The following CHMP6 variants were observed in gnomAD, a reference collection of about 807,000 sequenced individuals.
The protein encoded by CHMP6 is chromatin-modifying protein 6.
A neutral mutation model predicts 32.8 loss-of-function variants in CHMP6; 10 were observed. The ratio of observed to expected loss-of-function variants is 0.30; its 90% CI spans 0.19 to 0.52. The LOEUF is 0.52. Among genes scored for constraint, CHMP6 ranks in the 20% least tolerant of loss-of-function variants. The pLI is 0.97. For missense variants in CHMP6, 269 were observed against 263.8 expected, an observed-to-expected ratio of 1.02 and a Z score of -0.14; for synonymous variants, 123 against 105.8, an observed-to-expected ratio of 1.16 and a Z score of -1.00.
chr17:80,992,687 G>C (rs1168464747), intron 1 of CHMP6, among the ~76,000 whole-genome samples: 1 of 152,208 alleles, frequency 6.6e-6, no homozygotes, highest in African/African-American at 2.4e-5. Context: ...CCGGGCCGGT[G>C]GTGGTGCCTT....
intron 1 of CHMP6, among the ~76,000 whole-genome samples, chr17:80,993,777 G>A (rs2069613622): frequency 6.6e-6 from 1 of 152,216 alleles, no homozygotes; most frequent in Non-Finnish European, 1.5e-5. Flanking sequence ...CAGCCGGATG[G>A]TTGGCAAAGG....
At chr17:80,992,063 G>C in intron 1 of CHMP6, 82 bp downstream of exon 1, 1 of 1,004,068 alleles carries the variant, frequency 1.0e-6, no homozygotes, top group Non-Finnish European at 1.3e-6. Flanking sequence ...GAAGAGCCCC[G>C]CGCCCTCGGC....
chr17:80,995,188 T>A, intron 3 of CHMP6, 82 bp downstream of exon 3: 1 of 1,294,092 alleles, frequency 7.7e-7, no homozygotes, highest in Non-Finnish European at 1.1e-6. Context: ...CAGAAATTTC[T>A]CCCGAGAGCT....
rs375785724 is a variant in CHMP6, at chr17:80,996,590, A to G, written c.349-417A>G. Reference sequence around the variant, plus strand: ...GCCCTTTGACCTTTTGCCACTCAAAAGAAATCAAGTCACCTGCCCAGAATG... The same window carrying G: ...GCCCTTTGACCTTTTGCCACTCAAAGGAAATCAAGTCACCTGCCCAGAATG... On this transcript the variant is annotated intron_variant, in intron 4 of 7. Coordinates refer to ENST00000325167, the MANE Select transcript of CHMP6 (RefSeq NM_024591.5). Among the ~76,000 whole-genome samples the G allele has an allele frequency of 1.1e-3, 163 of 152,354 alleles. 2 individuals carry two copies. In the South Asian group the frequency reaches 0.011, roughly 10 times the overall value.
chr17:80,995,098 G>C lies in CHMP6; in HGVS notation c.253G>C (p.Glu85Gln). ...DRTENQISSL[E>Q]AMVQSIEFTQ... ...GACGGAGAACCAGATCAGCAGCCTG[G>C]AGGCCATGGTAGGCGGCCGGGTGCT... Residue 85 changes from glutamate to glutamine, a missense_variant, in exon 3 of 8, where the codon GAG becomes CAG. By Grantham distance (29) the Glu-to-Gln change is conservative (BLOSUM62 2). Transcript: ENST00000325167. 6.2e-7 allele frequency: 1 copy of C among 1,601,102 alleles called. No homozygotes were observed. Among genetic ancestry groups the C allele is most frequent in the African/African-American group, 1.3e-5 (1 of 75,006 alleles).
At position 80,996,995 on chromosome 17, in the gene CHMP6, C is replaced by T. The variant is rs1385267816; in HGVS notation, c.349-12C>T. On this transcript the variant is annotated splice_polypyrimidine_tract_variant and intron_variant, in intron 4 of 7. Coordinates refer to ENST00000325167, the MANE Select transcript of CHMP6 (RefSeq NM_024591.5). ...CGCGACAGGGGTCAACACCCATCAC[C>T]CTCGTCCACAGGTGATGTCCATTGA... 1.2e-6 allele frequency: 2 copies of T among 1,611,458 alleles called. No individual in the cohort carries two copies. Among genetic ancestry groups the T allele is most frequent in the Admixed American group, 1.7e-5 (1 of 59,754 alleles).
In CHMP6 at chr17:80,997,071, G is replaced by A. The variant is rs571705472; in HGVS notation, c.413G>A (p.Arg138Gln). The change falls in exon 5 of 8, where the codon CGG (arginine) becomes CAG (glutamine). Residue 138 changes from arginine to glutamine, a missense_variant and splice_region_variant. Coordinates refer to ENST00000325167, the MANE Select transcript of CHMP6 (RefSeq NM_024591.5). ...DETQEAVEYQ[R>Q]QIDELLAGSF... ...ACGCAGGAGGCCGTGGAGTACCAGC[G>A]GGTAGGTGGCACCCTGACCGGCCTG... 5.9e-5 allele frequency: 95 copies of A among 1,613,492 alleles called. No individual in the cohort carries two copies. Among genetic ancestry groups the A allele is most frequent in the South Asian group, 2.0e-4 (18 of 91,032 alleles).
chr17:80,998,216 A>C (rs556498890), intron 6 of CHMP6, 150 bp from the exon 7 acceptor site: 4 of 819,892 alleles, frequency 4.9e-6, no homozygotes, highest in Admixed American at 5.0e-5. Context: ...GGGCGGTTGC[A>C]GACTTGGGTC....
chr17:80,996,624 G>A (rs1346789803), intron 4 of CHMP6, among the ~76,000 whole-genome samples: 3 of 152,262 alleles, frequency 2.0e-5, no homozygotes, highest in Non-Finnish European at 4.4e-5. Flanking sequence ...TGTTCTACCT[G>A]TTGCTTGTTT....
At chr17:80,998,706 A>G (rs1488590661) in intron 7 of CHMP6, 19 of 1,370,350 alleles carry the variant, frequency 1.4e-5, no homozygotes, top group Admixed American at 1.2e-4. Flanking sequence ...GCTCATTCCC[A>G]GGGTGTAGCC....
Position 80,999,169 on chromosome 17 carries a change from T to G in CHMP6, c.*16T>G. The G allele has an allele frequency of 1.2e-6, 2 of 1,613,816 alleles. No homozygotes were observed. Among genetic ancestry groups the G allele is most frequent in the South Asian group, 2.2e-5 (2 of 91,088 alleles). On this transcript the variant is annotated 3_prime_UTR_variant, in exon 8 of 8. Transcript: ENST00000325167. ...AGCTTCGTAACGTGGCCTCGTCTTG[T>G]GGGACTCACGGGGATGCCCCAGGGA...
Position 80,995,743 on chromosome 17 carries a change from G to A in CHMP6, c.333G>A (p.Leu111=). The change falls in exon 4 of 8, where the codon CTG becomes CTA. Residue 111 remains leucine, a synonymous_variant. Coordinates refer to ENST00000325167, the MANE Select transcript of CHMP6 (RefSeq NM_024591.5). The part of the protein sequence containing the change: ...MEGLQFGNEC[L]NKMHQVMSIE... ...GGCTGCAGTTTGGAAATGAGTGTCT[G>A]AACAAGATGCACCAGGTGAGTCTCT... is the stretch of plus-strand genomic sequence containing the variant. The A allele has an allele frequency of 6.2e-7, 1 of 1,613,998 alleles. No individual in the cohort carries two copies. The highest frequency in any genetic ancestry group is 8.5e-7 in the Non-Finnish European group (1 of 1,179,918).
Position 80,999,430 on chromosome 17 carries a change from G to A in CHMP6, c.*277G>A, listed in dbSNP as rs1423528618. 2 of 452,858 alleles carry A rather than the reference G, an allele frequency of 4.4e-6. No homozygotes were observed. The highest frequency in any genetic ancestry group is 4.0e-5 in the African/African-American group (2 of 50,326). 28.1% of individuals were successfully genotyped at this position (452,858 alleles called of 1,614,324 possible). A position where few individuals can be genotyped will look rare whatever the true frequency, so the allele number is the denominator to read the frequency against. The stretch of plus-strand genomic sequence containing the variant: ...GGTTGTGGGCTCCCCCGGTGGCCGA[G>A]GCCCAGGCCCAACGCCTCTGGTGCT... On this transcript the variant is annotated 3_prime_UTR_variant, in exon 8 of 8. Coordinates refer to ENST00000325167, the MANE Select transcript of CHMP6 (RefSeq NM_024591.5).
At chr17:80,998,334 C>T in intron 6 of CHMP6, 32 bp from the exon 7 acceptor site, 2 of 1,613,984 alleles carry the variant, frequency 1.2e-6, no homozygotes, top group Non-Finnish European at 1.7e-6. Flanking sequence ...GACCTGTCAC[C>T]TGCTCATAGC....
Position 80,997,251 on chromosome 17 carries a change from C to A in CHMP6, c.415-10C>A, listed in dbSNP as rs1466440439. ...CCTCGCTGCTCTCACCACCGCCTGT[C>A]CTTTTGCAGCAAATAGACGAGCTCC... is the stretch of plus-strand genomic sequence containing the variant. On this transcript the variant is annotated splice_polypyrimidine_tract_variant and intron_variant, in intron 5 of 7. Transcript: ENST00000325167. The A allele has an allele frequency of 6.3e-7, 1 of 1,589,484 alleles. No individual in the cohort carries two copies. Among genetic ancestry groups the A allele is most frequent in the Non-Finnish European group, 8.6e-7 (1 of 1,165,210 alleles).
Position 80,999,493 on chromosome 17 carries a change from G to A in CHMP6, c.*340G>A, listed in dbSNP as rs189238045. The A allele has an allele frequency of 1.4e-4, 40 of 284,258 alleles. No individual in the cohort carries two copies. The highest frequency in any genetic ancestry group is 2.2e-4 in the Non-Finnish European group (33 of 147,816). 17.6% of individuals were successfully genotyped at this position (284,258 alleles called of 1,614,324 possible). Reference sequence around the variant, plus strand: ...TCCCAGCCCCGCGTGGCTCGCGCTCGTCTGTGAGGAAGACACCTCCAGACC... The same window carrying A: ...TCCCAGCCCCGCGTGGCTCGCGCTCATCTGTGAGGAAGACACCTCCAGACC... On this transcript the variant is annotated 3_prime_UTR_variant, in exon 8 of 8. Transcript: ENST00000325167.
In CHMP6 at chr17:80,991,991, C is replaced by G; in HGVS notation, c.63+10C>G. 7.1e-7 allele frequency: 1 copy of G among 1,417,852 alleles called. No individual in the cohort carries two copies. Among genetic ancestry groups the G allele is most frequent in the Non-Finnish European group, 9.3e-7 (1 of 1,073,954 alleles). The allele number at this position is 1,417,852 out of a possible 1,614,324, so 87.8% of individuals were successfully genotyped here. On this transcript the variant is annotated intron_variant, in intron 1 of 7. Transcript: ENST00000325167. ...GGACAAGGCCATCCTGGTGAGGGCC[C>G]GGGCCCGGGGTCAGGGCTGGGGCCG... is the stretch of plus-strand genomic sequence containing the variant.
Position 80,999,441 on chromosome 17 carries a change from A to G in CHMP6, c.*288A>G, listed in dbSNP as rs74004812. 9,422 of 438,782 alleles carry G rather than the reference A, an allele frequency of 0.021. 828 individuals carry two copies. Among genetic ancestry groups the G allele is most frequent in the African/African-American group, 0.17 (8,707 of 49,908 alleles). The allele number at this position is 438,782 out of a possible 1,614,324, so 27.2% of individuals were successfully genotyped here. On this transcript the variant is annotated 3_prime_UTR_variant, in exon 8 of 8. Transcript: ENST00000325167. ...CCCCCGGTGGCCGAGGCCCAGGCCC[A>G]ACGCCTCTGGTGCTGTTCCCCTGCA...
At chr17:80,992,175 C>G (rs1379228206) in intron 1 of CHMP6, among the ~76,000 whole-genome samples, 194 bp downstream of exon 1, 1 of 151,390 alleles carries the variant, frequency 6.6e-6, no homozygotes, top group Admixed American at 6.6e-5. Flanking sequence ...GGGCCGGGGT[C>G]TCCTGCGCGG....
Sources: allele counts gnomAD v4.1 joint callset (sites outside exome capture counted in the v4.1 genomes callset), GRCh38; gene constraint gnomAD v4.1.1; transcripts MANE v1.5; gene names NCBI Gene and HGNC (gene_info 2026-07-23, HGNC 2026-07-21).